The following RSU1 variants were observed in gnomAD, a reference collection of about 807,000 sequenced individuals.
The protein encoded by RSU1 is Ras suppressor protein 1.
Under a neutral mutation model 31.1 loss-of-function variants are expected in RSU1, and 26 were observed. The ratio of observed to expected loss-of-function variants is 0.84; its 90% confidence interval spans 0.61 to 1.16. The LOEUF (loss-of-function observed/expected upper bound fraction) is 1.16, where lower values mean the gene tolerates loss of function less well. Among genes scored for constraint, RSU1 ranks in the 50% most tolerant of loss-of-function variants. The pLI is 0.00. For missense variants in RSU1, 320 were observed against 339.1 expected (o/e 0.94, Z 0.44); for synonymous variants, 164 against 136.3 (o/e 1.20, Z -1.41).
intron 8 of RSU1, among the ~76,000 whole-genome samples, chr10:16,681,093 G>C (rs947405346): frequency 1.3e-5 from 2 of 152,114 alleles, no homozygotes; most frequent in African/African-American, 4.8e-5. Flanking sequence ...AGAAAAGGTT[G>C]ACCTAAGACA....
intron 7 of RSU1, among the ~76,000 whole-genome samples, chr10:16,700,376 A>C (rs74398266): frequency 0.016 from 2,383 of 152,326 alleles, 29 homozygotes; most frequent in East Asian, 0.067. Flanking sequence ...ATAGCCCATC[A>C]TTACTATACT....
At chr10:16,671,395 A>G (rs540216712) in intron 8 of RSU1, among the ~76,000 whole-genome samples, 16 of 152,282 alleles carry the variant, frequency 1.1e-4, no homozygotes, top group African/African-American at 3.6e-4. Flanking sequence ...TTTGTTCTAC[A>G]TTCTCCTGAT....
chr10:16,758,146 G>A (rs1272003362), intron 4 of RSU1, among the ~76,000 whole-genome samples: 1 of 149,430 alleles, frequency 6.7e-6, no homozygotes, highest in African/African-American at 2.5e-5. Context: ...ACAGTGGTAG[G>A]CACACCACCC....
intron 7 of RSU1, among the ~76,000 whole-genome samples, chr10:16,708,113 A>G (rs973752451): frequency 1.3e-5 from 2 of 152,128 alleles, no homozygotes; most frequent in Non-Finnish European, 2.9e-5. Flanking sequence ...TTAGGTTCCC[A>G]TAACTTTGTA....
chr10:16,598,668 G>A (rs1833661436), intron 8 of RSU1, among the ~76,000 whole-genome samples: 1 of 152,234 alleles, frequency 6.6e-6, no homozygotes, highest in African/African-American at 2.4e-5. Flanking sequence ...GGTGGTCTGT[G>A]TAAGCCAGAA....
intron 2 of RSU1, among the ~76,000 whole-genome samples, chr10:16,785,057 G>C (rs923599493): frequency 6.6e-6 from 1 of 152,134 alleles, no homozygotes; most frequent in Admixed American, 6.5e-5. Flanking sequence ...GCTAAGTATT[G>C]ATCCTAGGTG....
chr10:16,777,241 A>T (rs551539947), intron 3 of RSU1, among the ~76,000 whole-genome samples: 1 of 152,286 alleles, frequency 6.6e-6, no homozygotes, highest in South Asian at 2.1e-4. Flanking sequence ...TTACATAAAT[A>T]CTTCAAACTT....
intron 2 of RSU1, among the ~76,000 whole-genome samples, chr10:16,798,615 T>G (rs769696156): frequency 7.9e-5 from 12 of 152,228 alleles, no homozygotes; most frequent in Non-Finnish European, 1.8e-4. Flanking sequence ...CTATGCTGAA[T>G]GGTGAGTCAA....
intron 4 of RSU1, among the ~76,000 whole-genome samples, chr10:16,760,705 C>G (rs1424352583): frequency 1.3e-5 from 2 of 152,054 alleles, no homozygotes; most frequent in African/African-American, 4.8e-5. Context: ...CAGTTACTGT[C>G]TGTCAACGTT....
chr10:16,631,225 G>T (rs960044533), intron 8 of RSU1, among the ~76,000 whole-genome samples: 1 of 152,214 alleles, frequency 6.6e-6, no homozygotes, highest in African/African-American at 2.4e-5. Flanking sequence ...GCAAGCTCTT[G>T]CATGACAGCT....
At chr10:16,614,968 C>T (rs978903264) in intron 8 of RSU1, among the ~76,000 whole-genome samples, 2 of 152,156 alleles carry the variant, frequency 1.3e-5, no homozygotes, top group African/African-American at 4.8e-5. Context: ...TATGAAGAAA[C>T]TGCATCAACT....
intron 8 of RSU1, among the ~76,000 whole-genome samples, chr10:16,685,709 T>G (rs1424758887): frequency 6.6e-6 from 1 of 152,178 alleles, no homozygotes; most frequent in African/African-American, 2.4e-5. Flanking sequence ...GACCCGTATT[T>G]TGTGCTGACT....
rs17323081 is a variant in RSU1, at chr10:16,628,160, A to G, written c.732-34664T>C. ...ATTGACAACAATCTGCCAATTGATT[A>G]AACATCTCAATATATGAAGCTGACT... is the stretch of plus-strand genomic sequence containing the variant. On this transcript the variant is annotated intron_variant, in intron 8 of 8. Coordinates refer to ENST00000345264, the MANE Select transcript of RSU1 (RefSeq NM_012425.4). 2.3e-3 allele frequency among the ~76,000 whole-genome samples: 355 copies of G among 152,370 alleles called. 1 individual carries two copies. The highest frequency in any genetic ancestry group is 2.9e-3 in the Non-Finnish European group (197 of 68,042).
At chr10:16,679,938 G>C (rs567925588) in intron 8 of RSU1, among the ~76,000 whole-genome samples, 2 of 146,260 alleles carry the variant, frequency 1.4e-5, no homozygotes, top group East Asian at 4.1e-4. Flanking sequence ...CTGGAGTGCA[G>C]TGGCACAATC....
intron 7 of RSU1, among the ~76,000 whole-genome samples, chr10:16,748,887 A>T (rs7091155): frequency 0.025 from 3,615 of 142,046 alleles, 268 homozygotes; most frequent in African/African-American, 0.1. Context: ...AGAGCTCTTA[A>T]TACCACATAT....
At chr10:16,767,022 C>CAA (rs111562696) in intron 3 of RSU1, among the ~76,000 whole-genome samples, 63 of 101,800 alleles carry the variant, frequency 6.2e-4, no homozygotes, top group African/African-American at 1.5e-3. Context: ...ACTCTATGTC[C>CAA]AAAAAAAAAA....
At chr10:16,657,182 A>C (rs1232666921) in intron 8 of RSU1, among the ~76,000 whole-genome samples, 3 of 152,210 alleles carry the variant, frequency 2.0e-5, no homozygotes, top group Non-Finnish European at 4.4e-5. Flanking sequence ...TTGCAGGCAG[A>C]GATATTGATT....
intron 8 of RSU1, among the ~76,000 whole-genome samples, chr10:16,676,389 C>T (rs915416817): frequency 9.2e-5 from 14 of 152,104 alleles, no homozygotes; most frequent in African/African-American, 3.4e-4. Flanking sequence ...TTTATAAAAC[C>T]ATCAGATCTC....
intron 2 of RSU1, among the ~76,000 whole-genome samples, chr10:16,800,330 A>C (rs554384847): frequency 1.3e-5 from 2 of 152,328 alleles, no homozygotes; most frequent in South Asian, 4.1e-4. Context: ...TAAGAGCTCT[A>C]ATGGAAAAAG....
Sources: gnomAD v4.1 joint callset for allele counts (sites outside exome capture counted in the v4.1 genomes callset) on GRCh38, gnomAD v4.1.1 for gene constraint, MANE v1.5 for transcripts, NCBI Gene and HGNC (gene_info 2026-07-23, HGNC 2026-07-21) for gene names.